PDZRN4: variants seen among roughly 807,000 people sequenced by gnomAD.
PDZRN4 encodes the protein PDZ domain containing ring finger 4.
PDZRN4 carries 70 observed loss-of-function variants against 99.0 expected under a neutral mutation model. The ratio of observed to expected loss-of-function variants is 0.71; its 90% CI spans 0.58 to 0.86. The LOEUF (loss-of-function observed/expected upper bound fraction) is 0.86, where lower values mean the gene tolerates loss of function less well. Ranked by LOEUF, PDZRN4 falls within the 40% of genes least tolerant of loss-of-function variation. PDZRN4 has a pLI of 0.00. For missense variants in PDZRN4, 1,474 were observed against 1,331.2 expected (o/e 1.11, Z -1.67); for synonymous variants, 551 against 501.6 (o/e 1.10, Z -1.32).
chr12:41,346,555 T>G (rs60404469), intron 3 of PDZRN4, among the ~76,000 whole-genome samples: 3 of 152,106 alleles, frequency 2.0e-5, no homozygotes, highest in African/African-American at 4.8e-5. Context: ...TCCTTGAAGG[T>G]TCCTTTAAGC....
intron 3 of PDZRN4, among the ~76,000 whole-genome samples, chr12:41,294,832 A>G (rs180918878): frequency 9.2e-5 from 14 of 152,280 alleles, no homozygotes; most frequent in African/African-American, 3.4e-4. Context: ...TAGAAGAACA[A>G]CTCAGGAGGC....
At chr12:41,331,925 C>G (rs1422281281) in intron 3 of PDZRN4, among the ~76,000 whole-genome samples, 1 of 152,072 alleles carries the variant, frequency 6.6e-6, no homozygotes, top group African/African-American at 2.4e-5. Flanking sequence ...CCGAATCTAT[C>G]TGGAGCATTA....
At chr12:41,529,232 T>C (rs1938621217) in intron 5 of PDZRN4, among the ~76,000 whole-genome samples, 1 of 151,420 alleles carries the variant, frequency 6.6e-6, no homozygotes. Flanking sequence ...TGTGTGTTTG[T>C]GTGTGTGTGT....
intron 3 of PDZRN4, among the ~76,000 whole-genome samples, chr12:41,292,794 T>TC (rs1226709782): frequency 6.6e-6 from 1 of 152,104 alleles, no homozygotes; most frequent in African/African-American, 2.4e-5. Context: ...GGAAACTATG[T>TC]CCCAGAGAGT....
intron 3 of PDZRN4, among the ~76,000 whole-genome samples, chr12:41,280,532 G>T (rs1357675771): frequency 2.6e-5 from 4 of 152,118 alleles, no homozygotes; most frequent in Admixed American, 6.5e-5. Flanking sequence ...GTGCGGGGAG[G>T]GGCGTCCGCA....
At chr12:41,242,962 C>T (rs1460542364) in intron 3 of PDZRN4, among the ~76,000 whole-genome samples, 1 of 152,156 alleles carries the variant, frequency 6.6e-6, no homozygotes, top group East Asian at 1.9e-4. Context: ...TCTTTTTCAC[C>T]TAATTGCAGT....
At chr12:41,311,153 C>T (rs903132638) in intron 3 of PDZRN4, among the ~76,000 whole-genome samples, 3 of 152,102 alleles carry the variant, frequency 2.0e-5, no homozygotes, top group Non-Finnish European at 2.9e-5. Flanking sequence ...TTCTCCAAAA[C>T]TAACACTCTG....
chr12:41,195,481 G>A (rs1020528341), intron 3 of PDZRN4, among the ~76,000 whole-genome samples: 4 of 151,738 alleles, frequency 2.6e-5, no homozygotes, highest in Middle Eastern at 3.4e-3. Flanking sequence ...TTAATGAATC[G>A]ACATAGAGTA....
intron 3 of PDZRN4, 49 bp downstream of exon 3, chr12:41,194,237 A>G (rs1421740637): frequency 2.3e-6 from 2 of 885,728 alleles, no homozygotes; most frequent in East Asian, 2.4e-5. Context: ...AAAGATTGGG[A>G]TATTTTAAGT....
At chr12:41,272,945 C>A (rs77374233) in intron 3 of PDZRN4, among the ~76,000 whole-genome samples, 2,177 of 151,968 alleles carry the variant, frequency 0.014, 22 homozygotes, top group Middle Eastern at 0.034. Context: ...CATTGAAGTC[C>A]TAATAATCAA....
chr12:41,206,667 G>C (rs1950853213), intron 3 of PDZRN4, among the ~76,000 whole-genome samples: 1 of 151,706 alleles, frequency 6.6e-6, no homozygotes, highest in African/African-American at 2.4e-5. Context: ...TTAACTACAA[G>C]GGTAAAGCAA....
At chr12:41,353,635 A>G (rs1951906886) in intron 3 of PDZRN4, among the ~76,000 whole-genome samples, 1 of 151,994 alleles carries the variant, frequency 6.6e-6, no homozygotes, top group Admixed American at 6.6e-5. Flanking sequence ...ACTGGTGAGG[A>G]GGTGTGGCAA....
chr12:41,341,852 T>G (rs1951820791), intron 3 of PDZRN4, among the ~76,000 whole-genome samples: 1 of 151,850 alleles, frequency 6.6e-6, no homozygotes, highest in Non-Finnish European at 1.5e-5. Context: ...ACAAAAATTC[T>G]AAAATTCATA....
At chr12:41,380,543 A>G (rs1423156679) in intron 3 of PDZRN4, among the ~76,000 whole-genome samples, 1 of 152,082 alleles carries the variant, frequency 6.6e-6, no homozygotes, top group African/African-American at 2.4e-5. Flanking sequence ...GCTTAAATAA[A>G]ATATTTTATA....
At chr12:41,274,954 T>A (rs1951340457) in intron 3 of PDZRN4, among the ~76,000 whole-genome samples, 1 of 152,134 alleles carries the variant, frequency 6.6e-6, no homozygotes, top group Non-Finnish European at 1.5e-5. Flanking sequence ...TGGCTGACAG[T>A]ATAATTAGGT....
chr12:41,233,179 A>C (rs895303034), intron 3 of PDZRN4, among the ~76,000 whole-genome samples: 3 of 152,194 alleles, frequency 2.0e-5, no homozygotes, highest in Non-Finnish European at 4.4e-5. Context: ...CAAAAAACAC[A>C]TGAAAAAATG....
chr12:41,557,192 A>G (rs1055915835), intron 7 of PDZRN4, among the ~76,000 whole-genome samples: 1 of 150,944 alleles, frequency 6.6e-6, no homozygotes, highest in Admixed American at 6.6e-5. Flanking sequence ...GCAGGGAGAC[A>G]CACAAACTCC....
At chr12:41,472,636 C>A (rs1592074113) in intron 3 of PDZRN4, among the ~76,000 whole-genome samples, 1 of 152,230 alleles carries the variant, frequency 6.6e-6, no homozygotes, top group Middle Eastern at 3.4e-3. Flanking sequence ...TCATCACATC[C>A]CTTTTTACCA....
At chr12:41,245,739 G>A (rs1174323038) in intron 3 of PDZRN4, among the ~76,000 whole-genome samples, 1 of 152,178 alleles carries the variant, frequency 6.6e-6, no homozygotes, top group African/African-American at 2.4e-5. Context: ...TTCCTATGCT[G>A]AGGAGGAGTC....
Sources: allele counts gnomAD v4.1 joint callset (sites outside exome capture counted in the v4.1 genomes callset), GRCh38; gene constraint gnomAD v4.1.1; transcripts MANE v1.5; gene names NCBI Gene and HGNC (gene_info 2026-07-23, HGNC 2026-07-21).